FRYL: variants seen among roughly 807,000 people sequenced by gnomAD.
FRYL encodes protein furry homolog-like.
FRYL carries 150 observed loss-of-function variants against 351.2 expected under a neutral mutation model. That is an observed-to-expected ratio of 0.43 (90% CI 0.37 to 0.49). FRYL has a LOEUF of 0.49. Among genes scored for constraint, FRYL ranks in the 20% least tolerant of loss-of-function variants. The pLI is 0.00. For synonymous variants in FRYL, 1,153 were observed against 1,257.1 expected, an observed-to-expected ratio of 0.92 and a Z score of 1.75; for missense variants, 3,036 against 3,619.3, an observed-to-expected ratio of 0.84 and a Z score of 4.13.
chr4:48,616,983 C>T (rs544529128), intron 7 of FRYL, among the ~76,000 whole-genome samples: 3 of 152,234 alleles, frequency 2.0e-5, no homozygotes, highest in Admixed American at 1.3e-4. Context: ...ATTTTTACAT[C>T]GTTTTCTCTA....
intron 35 of FRYL, among the ~76,000 whole-genome samples, chr4:48,556,482 C>T (rs1013477234): frequency 1.3e-5 from 2 of 152,300 alleles, no homozygotes; most frequent in African/African-American, 4.8e-5. Flanking sequence ...ATCCTACGTG[C>T]ACTGAGCTCA....
Position 48,567,258 on chromosome 4 carries a change from C to A in FRYL, c.3159G>T (p.Gln1053His). The change falls in exon 28 of 64, where the codon CAG becomes CAT. Residue 1053 changes from glutamine (Q) to histidine (H), a missense_variant. Gln to His is a conservative substitution (Grantham distance 24, BLOSUM62 0). Transcript: ENST00000358350. The surrounding 1 kb of genome is among the most constrained non-coding windows in gnomAD (Gnocchi z 4.2). ...HFSALVANII[Q>H]NVPVHQRRSI... ...AACTGAAAATAATACCTGGAACATT[C>A]TGAATAATATTCGCCACTAAGGCAC... The A allele has an allele frequency of 6.2e-7, 1 of 1,606,984 alleles. No individual in the cohort carries two copies.
rs748734165 is a variant in FRYL at position 48,515,223 on chromosome 4, C to T, written c.7742G>A (p.Gly2581Glu). 3 of 1,611,102 alleles carry T rather than the reference C, an allele frequency of 1.9e-6. No homozygotes were observed. The highest frequency in any genetic ancestry group is 2.5e-6 in the Non-Finnish European group (3 of 1,177,514). Reference protein sequence around the residue: ...EEHVTTFEDEGSYIIQEQQES... With the variant: ...EEHVTTFEDEESYIIQEQQES... Reference sequence around the variant, plus strand: ...CTGCTGTTCTTGAATTATATAGGATCCTTCATCTTCAAAGGTTGTAACATG... The same window carrying T: ...CTGCTGTTCTTGAATTATATAGGATTCTTCATCTTCAAAGGTTGTAACATG... Residue 2581 changes from glycine to glutamate, a missense_variant, in exon 56 of 64, where the codon GGA (glycine) becomes GAA (glutamate). This residue lies in a region of FRYL where 1,987 missense variants were observed against 2,311.7 expected (regional missense o/e 0.86). Transcript: ENST00000358350.
rs749388944 is a variant in FRYL, at chr4:48,535,641, T to C, written c.6564+16A>G. 1 of 1,526,742 alleles carries C rather than the reference T, an allele frequency of 6.5e-7. No individual in the cohort carries two copies. The highest frequency in any genetic ancestry group is 1.9e-5 in the Admixed American group (1 of 51,938). The allele number at this position is 1,526,742 out of a possible 1,614,324, so 94.6% of individuals were successfully genotyped here. Reference sequence around the variant, plus strand: ...TATATATATAGTAAATAAGAAAATATTTTTGGTAAATTTACCTCTGCAAGA... The same window carrying C: ...TATATATATAGTAAATAAGAAAATACTTTTGGTAAATTTACCTCTGCAAGA... On this transcript the variant is annotated intron_variant, in intron 48 of 63. Coordinates refer to ENST00000358350, the MANE Select transcript of FRYL (RefSeq NM_015030.2).
chr4:48,516,380 G>A (rs887120729), intron 55 of FRYL, among the ~76,000 whole-genome samples: 3 of 152,138 alleles, frequency 2.0e-5, no homozygotes, highest in African/African-American at 7.2e-5. Context: ...ATCAAAAAAG[G>A]AAAACACTTT....
In FRYL at chr4:48,582,517, T is replaced by G. The variant is rs1224163914; in HGVS notation, c.1966A>C (p.Asn656His). 2.5e-6 allele frequency: 4 copies of G among 1,612,856 alleles called. No individual in the cohort carries two copies. Among genetic ancestry groups the G allele is most frequent in the South Asian group, 2.2e-5 (2 of 91,036 alleles). Residue 656 changes from asparagine to histidine, a missense_variant, in exon 20 of 64, where the codon AAT (asparagine) becomes CAT (histidine). Transcript: ENST00000358350. The stretch of plus-strand genomic sequence containing the variant: ...GGTACCTGAGTGTCCTGGTTTTTAT[T>G]ATGCATTTGGGCTGCTTGTTTCCAC... The part of the protein sequence containing the change: ...NQWKQAAQMH[N>H]KNQDTQHGVA...
At chr4:48,602,800 C>A (rs898558413) in intron 12 of FRYL, among the ~76,000 whole-genome samples, 4 of 152,142 alleles carry the variant, frequency 2.6e-5, no homozygotes, top group African/African-American at 9.7e-5. Flanking sequence ...TGACAGTGAT[C>A]CCCTGAGGTT....
At chr4:48,761,633 G>A (rs1417107057) in intron 1 of FRYL, among the ~76,000 whole-genome samples, 1 of 152,050 alleles carries the variant, frequency 6.6e-6, no homozygotes, top group East Asian at 1.9e-4. Flanking sequence ...TATGTCTACT[G>A]TACTTTTCTT....
chr4:48,646,010 T>C (rs530981760), intron 3 of FRYL: 8 of 152,336 alleles, frequency 5.3e-5, no homozygotes, highest in African/African-American at 1.9e-4. Context: ...TTCTTCCATA[T>C]AGTCTCCCTA....
chr4:48,508,295 CCAT>C (rs1721723296), intron 59 of FRYL, among the ~76,000 whole-genome samples: 1 of 152,106 alleles, frequency 6.6e-6, no homozygotes, highest in African/African-American at 2.4e-5. Context: ...CATTAATATA[CCAT>C]CTGAGATTTT....
At position 48,540,883 on chromosome 4, in the gene FRYL, G is replaced by C; in HGVS notation, c.5765C>G (p.Thr1922Arg). 6.2e-7 allele frequency: 1 copy of C among 1,613,690 alleles called. No homozygotes were observed. Among genetic ancestry groups the C allele is most frequent in the South Asian group, 1.1e-5 (1 of 91,066 alleles). Residue 1922 changes from threonine to arginine, a missense_variant, in exon 46 of 64, where the codon ACA becomes AGA. Coordinates refer to ENST00000358350, the MANE Select transcript of FRYL (RefSeq NM_015030.2). Reference protein sequence around the residue: ...RKSTGQLNLSTSPINSSSYLG... With the variant: ...RKSTGQLNLSRSPINSSSYLG... Reference sequence around the variant, plus strand: ...ATAACTGCTACTATTAATGGGACTTGTGCTTAGATTGAGTTGTCCAGTGCT... The same window carrying C: ...ATAACTGCTACTATTAATGGGACTTCTGCTTAGATTGAGTTGTCCAGTGCT...
intron 1 of FRYL, among the ~76,000 whole-genome samples, chr4:48,760,003 T>C (rs1774236225): frequency 6.6e-6 from 1 of 152,194 alleles, no homozygotes; most frequent in Non-Finnish European, 1.5e-5. Context: ...TACATCTTAT[T>C]TGATCCTCAC....
At chr4:48,634,627 GTCTATT>G in intron 3 of FRYL, 137 bp from the exon 4 acceptor site, 2 of 558,608 alleles carry the variant, frequency 3.6e-6, no homozygotes, top group Non-Finnish European at 6.2e-6. Context: ...AATCCATTTT[GTCTATT>G]TCTAACATAC....
intron 1 of FRYL, among the ~76,000 whole-genome samples, chr4:48,733,730 A>G (rs1517673): frequency 0.99 from 150,359 of 152,134 alleles, 74,323 homozygotes; most frequent in East Asian, 1. Context: ...GAGGAGGGAG[A>G]AATTAGGATT....
At chr4:48,698,080 G>A (rs1338482271) in intron 2 of FRYL, among the ~76,000 whole-genome samples, 3 of 152,172 alleles carry the variant, frequency 2.0e-5, no homozygotes, top group Admixed American at 6.6e-5. Context: ...GGAGTTTACA[G>A]ACAAGCTGGA....
intron 1 of FRYL, among the ~76,000 whole-genome samples, chr4:48,762,003 T>C (rs1774469808): frequency 6.6e-6 from 1 of 152,110 alleles, no homozygotes; most frequent in Non-Finnish European, 1.5e-5. Context: ...TCCTCATGAA[T>C]AGGATTAGTG....
intron 59 of FRYL, 125 bp from the exon 60 acceptor site, chr4:48,505,740 T>TTATC: frequency 1.7e-6 from 1 of 599,044 alleles, no homozygotes; most frequent in South Asian, 2.3e-5. Context: ...ACCTAGACTT[T>TTATC]TATCTCCATT....
Position 48,761,007 on chromosome 4 carries a change from CTGTGTGTGTGTGTGTGTGTGTG to C in FRYL, c.-384+19049_-384+19070del, listed in dbSNP as rs57872533. On this transcript the variant is annotated intron_variant, in intron 1 of 63. Coordinates refer to ENST00000358350, the MANE Select transcript of FRYL (RefSeq NM_015030.2). ...TCGCTACTCTCTATTATTACTCTGT[CTGTGTGTGTGTGTGTGTGTGTG>C]TGTGTGTGTGTGTGTGTGTGTTGAA... is the stretch of plus-strand genomic sequence containing the variant. 3.0e-5 allele frequency among the ~76,000 whole-genome samples: 4 copies of C among 134,512 alleles called. No individual in the cohort carries two copies. In the East Asian group the frequency reaches 8.7e-4, roughly 29 times the overall value. 88.2% of individuals were successfully genotyped at this position (134,512 alleles called of 152,430 possible).
chr4:48,708,824 C>T (rs146739184), intron 2 of FRYL, among the ~76,000 whole-genome samples: 1 of 152,152 alleles, frequency 6.6e-6, no homozygotes, highest in East Asian at 1.9e-4. Flanking sequence ...AAACTCTTGG[C>T]CTCAGGTCAT....
Sources: gnomAD v4.1 joint callset for allele counts (sites outside exome capture counted in the v4.1 genomes callset) on GRCh38, gnomAD v4.1.1 for gene constraint, gnomAD v4.1.1 regional missense constraint, Gnocchi (gnomAD v3.1) non-coding constraint, MANE v1.5 for transcripts, NCBI Gene and HGNC (gene_info 2026-07-23, HGNC 2026-07-21) for gene names.